MAP4K3: variants seen among roughly 807,000 people sequenced by gnomAD.
MAP4K3 encodes the protein mitogen-activated protein kinase kinase kinase kinase 3, also known as MAPK/ERK kinase kinase kinase 3.
Under a neutral mutation model 143.5 loss-of-function variants are expected in MAP4K3, and 94 were observed. The observed-to-expected ratio is 0.65, with a 90% confidence interval of 0.55 to 0.78. The LOEUF (loss-of-function observed/expected upper bound fraction) is 0.78. Ranked by LOEUF, MAP4K3 falls within the 30% of genes least tolerant of loss-of-function variation. The pLI is 0.00. For missense variants in MAP4K3, 1,077 were observed against 1,068.1 expected (o/e 1.01, Z -0.12); for synonymous variants, 416 against 347.2 (o/e 1.20, Z -2.20).
At chr2:39,353,349 G>A (rs528381307) in intron 3 of MAP4K3, among the ~76,000 whole-genome samples, 2 of 152,316 alleles carry the variant, frequency 1.3e-5, no homozygotes, top group South Asian at 4.1e-4. Context: ...GAGCAAGAGA[G>A]AGATAAAATT....
In MAP4K3 at chr2:39,288,969, A is replaced by C. The variant is rs1437535603; in HGVS notation, c.1315-689T>G. Among the ~76,000 whole-genome samples the C allele has an allele frequency of 3.9e-5, 6 of 152,244 alleles. No homozygotes were observed. The South Asian group carries it at 6.2e-4, about 16-fold the overall frequency. On this transcript the variant is annotated intron_variant, in intron 19 of 33. Coordinates refer to ENST00000263881, the MANE Select transcript of MAP4K3 (RefSeq NM_003618.4). ...CAGGAGGCTGAGGCAGGAGAATGGC[A>C]TGAATCCGGGAGGCGTAGCTTGCAG...
intron 1 of MAP4K3, among the ~76,000 whole-genome samples, chr2:39,405,236 T>A (rs778936060): frequency 4.6e-5 from 7 of 152,198 alleles, no homozygotes; most frequent in South Asian, 2.1e-4. Flanking sequence ...AGAGAAATGA[T>A]GTTTCTTTAG....
At chr2:39,319,753 G>GA (rs960109053) in intron 12 of MAP4K3, among the ~76,000 whole-genome samples, 1 of 152,094 alleles carries the variant, frequency 6.6e-6, no homozygotes, top group African/African-American at 2.4e-5. Flanking sequence ...CTAGACAAAT[G>GA]AAATTACAAA....
intron 16 of MAP4K3, among the ~76,000 whole-genome samples, chr2:39,296,167 T>C (rs1317278622): frequency 6.6e-6 from 1 of 152,244 alleles, no homozygotes; most frequent in East Asian, 1.9e-4. Context: ...TAAATCCCCA[T>C]TGTGTGTTAA....
At chr2:39,276,965 G>C (rs2148460632) in intron 24 of MAP4K3, among the ~76,000 whole-genome samples, 1 of 152,368 alleles carries the variant, frequency 6.6e-6, no homozygotes, top group Non-Finnish European at 1.5e-5. Flanking sequence ...AAAAGCCACT[G>C]AATTGTACCC....
chr2:39,386,149 C>T (rs1449168141), intron 1 of MAP4K3, among the ~76,000 whole-genome samples: 1 of 152,130 alleles, frequency 6.6e-6, no homozygotes, highest in African/African-American at 2.4e-5. Flanking sequence ...AGACTGATGT[C>T]CCTTTAAGAA....
At chr2:39,281,972 T>C (rs1209187258) in intron 22 of MAP4K3, among the ~76,000 whole-genome samples, 1 of 151,962 alleles carries the variant, frequency 6.6e-6, no homozygotes, top group Non-Finnish European at 1.5e-5. Context: ...GGTGCACACA[T>C]CACCTGAGGT....
At chr2:39,260,127 A>G (rs1680506342) in intron 29 of MAP4K3, among the ~76,000 whole-genome samples, 1 of 152,122 alleles carries the variant, frequency 6.6e-6, no homozygotes, top group Non-Finnish European at 1.5e-5. Context: ...TTAGTTGGTT[A>G]GTTAGAGACA....
rs755794313 is a variant in MAP4K3 at position 39,315,296 on chromosome 2, T to C, written c.997+14A>G. 8 of 1,507,470 alleles carry C rather than the reference T, an allele frequency of 5.3e-6. No individual in the cohort carries two copies. The highest frequency in any genetic ancestry group is 2.3e-5 in the South Asian group (2 of 86,486). The allele number at this position is 1,507,470 out of a possible 1,614,324, so 93.4% of individuals were successfully genotyped here. A position where few individuals can be genotyped will look rare whatever the true frequency, so the allele number is the denominator to read the frequency against. ...CTATCATTAAATCATAAACTGTGTA[T>C]AGTATATACTTACAGGTTATCTCTG... On this transcript the variant is annotated intron_variant, in intron 13 of 33. Coordinates refer to ENST00000263881, the MANE Select transcript of MAP4K3 (RefSeq NM_003618.4).
intron 24 of MAP4K3, among the ~76,000 whole-genome samples, chr2:39,272,776 G>C (rs951155411): frequency 6.6e-6 from 1 of 152,110 alleles, no homozygotes; most frequent in African/African-American, 2.4e-5. Flanking sequence ...GATATGATCA[G>C]CTCAAGTCTC....
intron 4 of MAP4K3, among the ~76,000 whole-genome samples, chr2:39,339,574 G>A (rs1665081422): frequency 6.6e-6 from 1 of 152,130 alleles, no homozygotes; most frequent in Admixed American, 6.5e-5. Flanking sequence ...CAGAAGACAA[G>A]GCCCTAGGTA....
Position 39,260,761 on chromosome 2 carries a change from A to G in MAP4K3, c.2153T>C (p.Ile718Thr). Residue 718 changes from isoleucine (I) to threonine (T), a missense_variant, in exon 29 of 34, where the codon ATA becomes ACA. By Grantham distance (89) the Ile-to-Thr change is moderately conservative. Transcript: ENST00000263881. The stretch of plus-strand genomic sequence containing the variant: ...TTCAAACATTCTAAGTGGACATGGT[A>G]TAGGAAAATCTATGTGCTAGAGAAA... ...FMLIKHIDFP[I>T]PCPLRMFEML... The G allele has an allele frequency of 6.2e-7, 1 of 1,611,220 alleles. No individual in the cohort carries two copies. Among genetic ancestry groups the G allele is most frequent in the Non-Finnish European group, 8.5e-7 (1 of 1,178,100 alleles).
Position 39,260,791 on chromosome 2 carries a change from C to A in MAP4K3, c.2137-14G>T, listed in dbSNP as rs1206853344. 2 of 1,571,244 alleles carry A rather than the reference C, an allele frequency of 1.3e-6. No homozygotes were observed. The highest frequency in any genetic ancestry group is 1.1e-5 in the South Asian group (1 of 87,356). On this transcript the variant is annotated splice_polypyrimidine_tract_variant and intron_variant, in intron 28 of 33. Transcript: ENST00000263881. Reference sequence around the variant, plus strand: ...AAAATCTATGTGCTAGAGAAAGAAACAAAAATACATTAAACCAAGGAAAAT... The same window carrying A: ...AAAATCTATGTGCTAGAGAAAGAAAAAAAAATACATTAAACCAAGGAAAAT...
At chr2:39,371,762 A>G (rs1013110621) in intron 2 of MAP4K3, among the ~76,000 whole-genome samples, 1 of 152,034 alleles carries the variant, frequency 6.6e-6, no homozygotes, top group African/African-American at 2.4e-5. Flanking sequence ...TTCAAAATAG[A>G]AACTGTTAAG....
chr2:39,276,984 G>T (rs1257192312), intron 24 of MAP4K3, among the ~76,000 whole-genome samples: 1 of 152,182 alleles, frequency 6.6e-6, no homozygotes, highest in Non-Finnish European at 1.5e-5. Context: ...CCTTTAAGTG[G>T]GTGAACTGTA....
intron 21 of MAP4K3, among the ~76,000 whole-genome samples, chr2:39,282,782 G>A (rs955771430): frequency 6.6e-6 from 1 of 152,138 alleles, no homozygotes; most frequent in African/African-American, 2.4e-5. Context: ...TTTCTCTAGT[G>A]AATTAGATAT....
At chr2:39,335,398 T>C (rs942880941) in intron 6 of MAP4K3, among the ~76,000 whole-genome samples, 10 of 152,160 alleles carry the variant, frequency 6.6e-5, no homozygotes, top group African/African-American at 2.4e-4. Context: ...ATGGTGGCGA[T>C]GACCCAAATC....
intron 2 of MAP4K3, among the ~76,000 whole-genome samples, chr2:39,364,835 C>G (rs1351947850): frequency 1.4e-5 from 2 of 138,894 alleles, no homozygotes; most frequent in Non-Finnish European, 3.0e-5. Context: ...GCCCCTGCAC[C>G]AGCCTGGGCA....
chr2:39,259,628 G>A (rs1013004106), intron 29 of MAP4K3, among the ~76,000 whole-genome samples: 11 of 152,078 alleles, frequency 7.2e-5, no homozygotes, highest in East Asian at 3.9e-4. Context: ...TATACATTTC[G>A]TATTCATTTT....
Sources: gnomAD v4.1 joint callset for allele counts (sites outside exome capture counted in the v4.1 genomes callset) on GRCh38, gnomAD v4.1.1 for gene constraint, MANE v1.5 for transcripts, NCBI Gene and HGNC (gene_info 2026-07-23, HGNC 2026-07-21) for gene names.